Variants in ZNF704 observed in about 807,000 individuals in gnomAD.
ZNF704 encodes the protein glucocorticoid induced gene 1.
In ZNF704, 10 loss-of-function variants were observed where a neutral mutation model predicts 44.7. The ratio of observed to expected loss-of-function variants is 0.22; its 90% CI spans 0.14 to 0.38. ZNF704 has a LOEUF of 0.38. Ranked by LOEUF, ZNF704 falls within the 10% of genes least tolerant of loss-of-function variation. The pLI is 1.00. For missense variants in ZNF704, 390 were observed against 545.5 expected (o/e 0.71, Z 2.84); for synonymous variants, 211 against 207.6 (o/e 1.02, Z -0.14).
intron 2 of ZNF704, among the ~76,000 whole-genome samples, chr8:80,813,410 G>C (rs888629157): frequency 1.3e-5 from 2 of 152,160 alleles, no homozygotes; most frequent in African/African-American, 4.8e-5. Flanking sequence ...ACTAATGTGT[G>C]CTTATAATAA....
intron 2 of ZNF704, among the ~76,000 whole-genome samples, chr8:80,694,971 T>A (rs1818702774): frequency 6.6e-6 from 1 of 151,714 alleles, no homozygotes. Flanking sequence ...CATACAAAGT[T>A]TTCAAGACAA....
At chr8:80,857,916 C>A (rs994758721) in intron 1 of ZNF704, among the ~76,000 whole-genome samples, 1 of 151,998 alleles carries the variant, frequency 6.6e-6, no homozygotes, top group Non-Finnish European at 1.5e-5. Flanking sequence ...CCCCTCAAAT[C>A]ATGGGATATT....
At chr8:80,727,957 T>A (rs1245335956) in intron 2 of ZNF704, among the ~76,000 whole-genome samples, 1 of 152,092 alleles carries the variant, frequency 6.6e-6, no homozygotes, top group Non-Finnish European at 1.5e-5. Flanking sequence ...CTTACCAAAC[T>A]ACAAAGGTAA....
chr8:80,677,028 C>T (rs1818379840), intron 4 of ZNF704, among the ~76,000 whole-genome samples: 1 of 152,200 alleles, frequency 6.6e-6, no homozygotes, highest in South Asian at 2.1e-4. Context: ...GCATAAGATA[C>T]TATTTCCATA....
At chr8:80,749,919 C>T (rs1243848649) in intron 2 of ZNF704, among the ~76,000 whole-genome samples, 2 of 152,124 alleles carry the variant, frequency 1.3e-5, no homozygotes, top group African/African-American at 4.8e-5. Flanking sequence ...AGGCTTAATT[C>T]GGCCAGCCTG....
intron 2 of ZNF704, among the ~76,000 whole-genome samples, chr8:80,736,389 C>A (rs1449594238): frequency 6.6e-6 from 1 of 152,226 alleles, no homozygotes; most frequent in Non-Finnish European, 1.5e-5. Context: ...AAGCGATTCT[C>A]CTGCCTCAGC....
chr8:80,666,809 GTTGT>G (rs759999739), intron 5 of ZNF704, among the ~76,000 whole-genome samples: 20 of 150,544 alleles, frequency 1.3e-4, no homozygotes, highest in Admixed American at 3.3e-4. Flanking sequence ...TTTTGATGGG[GTTGT>G]TTGTTTTTTT....
chr8:80,823,298 C>T (rs1007708961), intron 1 of ZNF704, among the ~76,000 whole-genome samples: 4 of 152,220 alleles, frequency 2.6e-5, no homozygotes, highest in African/African-American at 9.6e-5. Context: ...CGGAGGGTCC[C>T]ACACCCACGA....
chr8:80,830,757 T>TTTTC (rs1808458205), intron 1 of ZNF704, among the ~76,000 whole-genome samples: 2 of 99,016 alleles, frequency 2.0e-5, no homozygotes, highest in African/African-American at 5.1e-5. Context: ...TTCTTTCTTT[T>TTTTC]TTTTTTTTTT....
At chr8:80,700,824 G>A (rs1363661087) in intron 2 of ZNF704, among the ~76,000 whole-genome samples, 6 of 152,126 alleles carry the variant, frequency 3.9e-5, no homozygotes, top group Non-Finnish European at 1.5e-5. Flanking sequence ...AATACAGCAT[G>A]AGCACACACC....
intron 2 of ZNF704, among the ~76,000 whole-genome samples, chr8:80,700,761 TTCTC>T (rs1032938715): frequency 3.3e-5 from 5 of 152,308 alleles, no homozygotes; most frequent in South Asian, 2.1e-4. Context: ...CATTAGACCA[TTCTC>T]TCTCTATCTG....
At position 80,634,930 on chromosome 8, in the gene ZNF704, C is replaced by A. The variant is rs571019362; in HGVS notation, c.*6436G>T. On this transcript the variant is annotated 3_prime_UTR_variant, in exon 9 of 9. Coordinates refer to ENST00000327835, the MANE Select transcript of ZNF704 (RefSeq NM_001033723.3). ...AGTGAAAACAGAGATTTGCAAGACG[C>A]CTCATCTCAAAGACTAGGAGCCAAG... is the stretch of plus-strand genomic sequence containing the variant. The A allele has an allele frequency of 3.9e-5, 6 of 152,250 alleles. No individual in the cohort carries two copies. Among genetic ancestry groups the A allele is most frequent in the Admixed American group, 6.5e-5 (1 of 15,292 alleles). 9.4% of individuals were successfully genotyped at this position (152,250 alleles called of 1,614,324 possible).
chr8:80,688,983 C>A (rs1473507313), intron 3 of ZNF704, among the ~76,000 whole-genome samples: 1 of 146,682 alleles, frequency 6.8e-6, no homozygotes. Flanking sequence ...AAAAAAAAGT[C>A]TTCTGGGTGC....
intron 1 of ZNF704, among the ~76,000 whole-genome samples, chr8:80,871,897 T>C (rs765288956): frequency 2.6e-5 from 4 of 152,222 alleles, no homozygotes; most frequent in Non-Finnish European, 5.9e-5. Flanking sequence ...GAAGCCCATT[T>C]TGAAAGAATT....
intron 2 of ZNF704, among the ~76,000 whole-genome samples, chr8:80,801,553 T>C (rs1807899350): frequency 6.6e-6 from 1 of 152,206 alleles, no homozygotes; most frequent in Non-Finnish European, 1.5e-5. Flanking sequence ...AACAACCTGT[T>C]CATGAATAAC....
At chr8:80,725,447 A>G (rs1014808488) in intron 2 of ZNF704, among the ~76,000 whole-genome samples, 1 of 152,184 alleles carries the variant, frequency 6.6e-6, no homozygotes, top group Non-Finnish European at 1.5e-5. Context: ...GCAGCCCTAC[A>G]TCACGTATAT....
At chr8:80,770,767 T>C (rs1360052692) in intron 2 of ZNF704, among the ~76,000 whole-genome samples, 3 of 152,174 alleles carry the variant, frequency 2.0e-5, no homozygotes. Context: ...AAGACTTTTT[T>C]GCCTAGCCCT....
Position 80,690,720 on chromosome 8 carries a change from AG to A in ZNF704, c.325+2283del, listed in dbSNP as rs1413955754. Among the ~76,000 whole-genome samples the A allele has an allele frequency of 1.3e-5, 2 of 152,192 alleles. 1 individual carries two copies. On this transcript the variant is annotated intron_variant, in intron 3 of 8. Transcript: ENST00000327835. ...ACTTTTCTACTGCTATATAAAGAGG[AG>A]GTGTCGGCTAGGTATGGTGGCTCCC... is the stretch of plus-strand genomic sequence containing the variant.
chr8:80,842,396 G>A (rs899866424), intron 1 of ZNF704, among the ~76,000 whole-genome samples: 4 of 152,214 alleles, frequency 2.6e-5, no homozygotes, highest in Non-Finnish European at 5.9e-5. Flanking sequence ...GAATTAGTCT[G>A]CAAGACTGAT....
Sources: gnomAD v4.1 joint callset for allele counts (sites outside exome capture counted in the v4.1 genomes callset) on GRCh38, gnomAD v4.1.1 for gene constraint, MANE v1.5 for transcripts, NCBI Gene and HGNC (gene_info 2026-07-23, HGNC 2026-07-21) for gene names.